Variants in MAGI2 observed in about 807,000 individuals in gnomAD.
MAGI2 encodes membrane associated guanylate kinase, WW and PDZ domain containing 2, also known as membrane-associated guanylate kinase, WW and PDZ domain-containing protein 2.
MAGI2 carries 35 observed loss-of-function variants against 133.3 expected under a neutral mutation model. That is an observed-to-expected ratio of 0.26 (90% CI 0.20 to 0.35). MAGI2 has a LOEUF of 0.35. MAGI2 is among the 10% of genes least tolerant of loss of function. The pLI is 1.00. For synonymous variants in MAGI2, 729 were observed against 710.6 expected (o/e 1.03, Z -0.41); for missense variants, 1,636 against 1,863.4 (o/e 0.88, Z 2.25).
At chr7:78,067,623 G>A (rs1584997720) in intron 21 of MAGI2, among the ~76,000 whole-genome samples, 1 of 152,150 alleles carries the variant, frequency 6.6e-6, no homozygotes. Context: ...TGCATTTGTT[G>A]TTCTATTAAA....
intron 6 of MAGI2, among the ~76,000 whole-genome samples, chr7:78,398,406 A>G (rs1015774674): frequency 6.6e-6 from 1 of 152,092 alleles, no homozygotes; most frequent in Non-Finnish European, 1.5e-5. Context: ...CTACGAGTCT[A>G]CCGTCTCTTA....
At chr7:78,488,769 C>G (rs765394956) in intron 6 of MAGI2, among the ~76,000 whole-genome samples, 12 of 151,962 alleles carry the variant, frequency 7.9e-5, no homozygotes, top group Non-Finnish European at 1.6e-4. Flanking sequence ...CAGTCCCTAG[C>G]CTGTGAACAG....
chr7:78,474,375 A>G (rs542959536), intron 6 of MAGI2, among the ~76,000 whole-genome samples: 1 of 152,136 alleles, frequency 6.6e-6, no homozygotes, highest in East Asian at 1.9e-4. Flanking sequence ...GCTCCCAAGA[A>G]AACCCACAAG....
Position 78,980,305 on chromosome 7 carries a change from C to G in MAGI2, c.418+26785G>C, listed in dbSNP as rs145334930. ...AAAATCAGCTATAATTATTATTACA[C>G]AAACAAAGTAGAGTTAACAAGGCAA... On this transcript the variant is annotated intron_variant, in intron 2 of 21. Coordinates refer to ENST00000354212, the MANE Select transcript of MAGI2 (RefSeq NM_012301.4). Among the ~76,000 whole-genome samples the G allele has an allele frequency of 7.3e-3, 1,103 of 151,872 alleles. 14 individuals are homozygous for G. Among genetic ancestry groups the G allele is most frequent in the African/African-American group, 0.025 (1,036 of 41,488 alleles).
intron 2 of MAGI2, among the ~76,000 whole-genome samples, chr7:78,698,639 G>A (rs1331696095): frequency 6.6e-6 from 1 of 152,172 alleles, no homozygotes; most frequent in African/African-American, 2.4e-5. Context: ...ACCCCAAACT[G>A]GGTAATTTAC....
Position 79,200,785 on chromosome 7 carries a change from C to T in MAGI2, c.302-193579G>A, listed in dbSNP as rs148082688. ...AAAGCCCAAGCCTCTGACTCCCAGC[C>T]CTTCCCACTCCAACAGGCAGAATTA... On this transcript the variant is annotated intron_variant, in intron 1 of 21. Coordinates refer to ENST00000354212, the MANE Select transcript of MAGI2 (RefSeq NM_012301.4). Among the ~76,000 whole-genome samples the T allele has an allele frequency of 1.4e-3, 214 of 151,974 alleles. 1 individual carries two copies. The highest frequency in any genetic ancestry group is 5.0e-3 in the African/African-American group (206 of 41,332).
chr7:78,918,109 T>C (rs1798942031), intron 2 of MAGI2, among the ~76,000 whole-genome samples: 1 of 152,174 alleles, frequency 6.6e-6, no homozygotes, highest in Non-Finnish European at 1.5e-5. Flanking sequence ...TGACCGTCCC[T>C]GTCATGAGTA....
At chr7:78,533,687 G>T (rs1037858750) in intron 3 of MAGI2, among the ~76,000 whole-genome samples, 1 of 152,104 alleles carries the variant, frequency 6.6e-6, no homozygotes, top group African/African-American at 2.4e-5. Flanking sequence ...TACCACAAAA[G>T]AAATAAAATA....
At chr7:78,920,082 C>T (rs553534696) in intron 2 of MAGI2, among the ~76,000 whole-genome samples, 98 of 152,146 alleles carry the variant, frequency 6.4e-4, no homozygotes, top group Admixed American at 1.8e-3. Context: ...AGAATTCAGC[C>T]TAAAATTTTT....
chr7:78,549,047 T>C (rs1022698666), intron 3 of MAGI2, among the ~76,000 whole-genome samples: 3 of 152,240 alleles, frequency 2.0e-5, no homozygotes, highest in Admixed American at 6.5e-5. Flanking sequence ...AATAGATTGC[T>C]AATAAGTTTA....
rs776025199 is a variant in MAGI2 at position 78,078,893 on chromosome 7, A to C, written c.3706+54T>G. On this transcript the variant is annotated intron_variant, in intron 21 of 21. Coordinates refer to ENST00000354212, the MANE Select transcript of MAGI2 (RefSeq NM_012301.4). ...TGTAGTTTTATAAATAACCATAAGCATTTATGGTTCACAGAAGGAAGAGCA... is the reference window on the plus strand; with the variant it reads ...TGTAGTTTTATAAATAACCATAAGCCTTTATGGTTCACAGAAGGAAGAGCA... The C allele has an allele frequency of 6.9e-6, 11 of 1,601,022 alleles. No individual in the cohort carries two copies. The African/African-American group carries it at 1.1e-4, about 16-fold the overall frequency.
At chr7:78,793,509 A>G (rs37862) in intron 2 of MAGI2, among the ~76,000 whole-genome samples, 131,240 of 152,074 alleles carry the variant, frequency 0.86, 57,045 homozygotes, top group East Asian at 1. Context: ...GAGATAGAAT[A>G]ATTTTTGTTG....
chr7:79,329,132 C>T (rs1328044972), intron 1 of MAGI2, among the ~76,000 whole-genome samples: 1 of 152,172 alleles, frequency 6.6e-6, no homozygotes, highest in Non-Finnish European at 1.5e-5. Context: ...TAGTCACACA[C>T]TGGGTTAGCC....
intron 1 of MAGI2, among the ~76,000 whole-genome samples, chr7:79,443,671 C>T (rs1241801487): frequency 6.6e-6 from 1 of 152,118 alleles, no homozygotes. Flanking sequence ...TATTTTTACT[C>T]AGACATTCCC....
chr7:78,752,257 T>G (rs11768372), intron 2 of MAGI2, among the ~76,000 whole-genome samples: 6,722 of 152,300 alleles, frequency 0.044, 219 homozygotes, highest in Non-Finnish European at 0.067. Flanking sequence ...ATGTTCTTGA[T>G]TTTGTCTGTT....
chr7:78,186,556 T>A (rs921809778), intron 12 of MAGI2, among the ~76,000 whole-genome samples: 2 of 152,182 alleles, frequency 1.3e-5, no homozygotes, highest in African/African-American at 4.8e-5. Context: ...AATTGTCCCT[T>A]GATTTTCATT....
At chr7:79,282,471 CAGG>C (rs371926571) in intron 1 of MAGI2, among the ~76,000 whole-genome samples, 88 of 152,140 alleles carry the variant, frequency 5.8e-4, no homozygotes, top group African/African-American at 2.1e-3. Context: ...TTGTTTTCTG[CAGG>C]AAAAAAGTTA....
chr7:78,974,196 GA>G (rs530038217), intron 2 of MAGI2, among the ~76,000 whole-genome samples: 19 of 144,074 alleles, frequency 1.3e-4, no homozygotes, highest in South Asian at 2.2e-4. Flanking sequence ...ATTTTCTAGA[GA>G]AAAAAAAAAC....
rs550055868 is a variant in MAGI2 at position 78,533,019 on chromosome 7, G to A, written c.539-11374C>T. Among the ~76,000 whole-genome samples, 11 of 151,532 alleles carry A rather than the reference G, an allele frequency of 7.3e-5. No individual in the cohort carries two copies. The South Asian group carries it at 2.1e-3, about 29-fold the overall frequency. On this transcript the variant is annotated intron_variant, in intron 3 of 21. Transcript: ENST00000354212. ...TGCAGTGGCACAATCTCGGCTCACT[G>A]CAAGCTCTGCCTCCCGGGTTCATGC...
Sources: gnomAD v4.1 joint callset for allele counts (sites outside exome capture counted in the v4.1 genomes callset) on GRCh38, gnomAD v4.1.1 for gene constraint, MANE v1.5 for transcripts, NCBI Gene and HGNC (gene_info 2026-07-23, HGNC 2026-07-21) for gene names.